Variants in RAI2 observed in about 807,000 individuals in gnomAD.
RAI2 encodes the protein retinoic acid induced 2.
A neutral mutation model predicts 15.3 loss-of-function variants in RAI2; 5 were observed. The observed-to-expected ratio is 0.33, with a 90% confidence interval of 0.17 to 0.69. The LOEUF is 0.69. RAI2 is among the 30% of genes least tolerant of loss of function. The pLI, the probability that RAI2 is intolerant of heterozygous loss-of-function variation, is 0.69. For missense variants in RAI2, 424 were observed against 424.7 expected, an observed-to-expected ratio of 1.00 and a Z score of 0.01; for synonymous variants, 191 against 184.0, an observed-to-expected ratio of 1.04 and a Z score of -0.31.
At chrX:17,836,139 T>G (rs1249338779) in intron 1 of RAI2, among the ~76,000 whole-genome samples, 1 of 111,009 alleles carries the variant, frequency 9.0e-6, no homozygotes, top group East Asian at 2.8e-4. Flanking sequence ...CACATCTTTT[T>G]GGAGTTACAT....
At chrX:17,841,908 C>T (rs889467072) in intron 1 of RAI2, among the ~76,000 whole-genome samples, 5 of 112,608 alleles carry the variant, frequency 4.4e-5, no homozygotes, top group South Asian at 7.3e-4. Flanking sequence ...CTTCCTATGG[C>T]TCATTAGATG....
chrX:17,820,161 G>A (rs910456252), intron 1 of RAI2, among the ~76,000 whole-genome samples: 5 of 111,899 alleles, frequency 4.5e-5, no homozygotes, highest in African/African-American at 1.6e-4. Flanking sequence ...TACAAAGGAG[G>A]CAGCAACATC....
Position 17,806,136 on chromosome X carries a change from AG to A in RAI2, c.-24-4103del, listed in dbSNP as rs774570084. On this transcript the variant is annotated intron_variant, in intron 1 of 1. Transcript: ENST00000451717. ...ACTATCTCATGAATTGTGGGTTCAA[AG>A]GGTGAGTCTGTGTCCCTGAGGACAA... Among the ~76,000 whole-genome samples the A allele has an allele frequency of 1.7e-4, 19 of 110,882 alleles. 1 individual carries two copies. The Admixed American group carries it at 1.7e-3, about 10-fold the overall frequency.
At chrX:17,814,401 T>TA (rs1209166355) in intron 1 of RAI2, among the ~76,000 whole-genome samples, 1 of 105,152 alleles carries the variant, frequency 9.5e-6, no homozygotes, top group Admixed American at 1.1e-4. Flanking sequence ...ATGTTTGCAG[T>TA]AAGTAGCATT....
chrX:17,844,867 C>T (rs981616326), intron 1 of RAI2, among the ~76,000 whole-genome samples: 1 of 111,776 alleles, frequency 8.9e-6, no homozygotes, highest in African/African-American at 3.3e-5. Context: ...AAGATGTACA[C>T]TTAATAATAT....
intron 1 of RAI2, among the ~76,000 whole-genome samples, chrX:17,830,193 T>C: frequency 8.9e-6 from 1 of 112,603 alleles, no homozygotes. Flanking sequence ...CATCACAAAG[T>C]GGTCCACAAT....
intron 1 of RAI2, among the ~76,000 whole-genome samples, chrX:17,847,703 C>T (rs1168828742): frequency 8.9e-6 from 1 of 112,938 alleles, no homozygotes. Context: ...GAGCACTTGG[C>T]ATAGCCCTCT....
At chrX:17,829,447 C>T (rs1303444838) in intron 1 of RAI2, among the ~76,000 whole-genome samples, 1 of 110,554 alleles carries the variant, frequency 9.0e-6, no homozygotes, top group Non-Finnish European at 1.9e-5. Flanking sequence ...CCTCATGCAT[C>T]TAATGGGGTC....
chrX:17,801,701 G>C lies in RAI2; in HGVS notation c.310C>G (p.Leu104Val). 1 of 1,211,936 alleles carries C rather than the reference G, an allele frequency of 8.3e-7. No individual in the cohort carries two copies. The highest frequency in any genetic ancestry group is 1.8e-5 in the South Asian group (1 of 56,985). Residue 104 changes from leucine (L) to valine (V), a missense_variant, in exon 2 of 2, where the codon CTC becomes GTC. Physicochemically the swap from Leu to Val is conservative, Grantham distance 32. Transcript: ENST00000451717. ...MQVEGSSAPE[L>V]NPNGNATYVM... Reference sequence around the variant, plus strand: ...TAGGTGGCATTGCCATTCGGATTGAGCTCTGGTGCGGAGCTTCCCTCCACC... The same window carrying C: ...TAGGTGGCATTGCCATTCGGATTGACCTCTGGTGCGGAGCTTCCCTCCACC...
intron 1 of RAI2, among the ~76,000 whole-genome samples, chrX:17,838,789 TCACA>T (rs1218326117): frequency 9.1e-6 from 1 of 110,085 alleles, no homozygotes; most frequent in Non-Finnish European, 1.9e-5. Context: ...GCAACACACC[TCACA>T]CAGTCACACA....
chrX:17,855,787 T>G (rs1311177887), intron 1 of RAI2, among the ~76,000 whole-genome samples: 1 of 112,574 alleles, frequency 8.9e-6, no homozygotes, highest in East Asian at 2.8e-4. Context: ...GCCACTAATT[T>G]TAATACTCTA....
chrX:17,858,956 C>T (rs1429862656), intron 1 of RAI2, among the ~76,000 whole-genome samples: 1 of 111,468 alleles, frequency 9.0e-6, no homozygotes, highest in Non-Finnish European at 1.9e-5. Context: ...GCCTGGGCTG[C>T]CCTGGGGATG....
chrX:17,830,956 C>T (rs1342699613), intron 1 of RAI2, among the ~76,000 whole-genome samples: 1 of 112,037 alleles, frequency 8.9e-6, no homozygotes, highest in Non-Finnish European at 1.9e-5. Flanking sequence ...TGTATCTGTG[C>T]TATTTCTAAC....
intron 1 of RAI2, among the ~76,000 whole-genome samples, chrX:17,811,105 G>A (rs758309811): frequency 8.9e-6 from 1 of 112,621 alleles, no homozygotes; most frequent in Admixed American, 9.4e-5. Flanking sequence ...TTCATGCAAG[G>A]ATCTCTCTAA....
intron 1 of RAI2, among the ~76,000 whole-genome samples, chrX:17,824,483 C>T (rs566726551): frequency 4.5e-5 from 5 of 112,019 alleles, no homozygotes; most frequent in Middle Eastern, 4.6e-3. Context: ...AATTCAGTGG[C>T]CTAAGCATGA....
rs1206581255 is a variant in RAI2 at position 17,825,647 on chromosome X, G to C, written c.-24-23613C>G. Among the ~76,000 whole-genome samples, 14 of 112,455 alleles carry C rather than the reference G, an allele frequency of 1.2e-4. No individual in the cohort carries two copies. The Admixed American group carries it at 1.3e-3, about 11-fold the overall frequency. On this transcript the variant is annotated intron_variant, in intron 1 of 1. Transcript: ENST00000451717. ...GTCCCACACTGGGAAATCATCAAGGGGGTTGATGGTGGGCAGGTAGTGATG... is the reference window on the plus strand; with the variant it reads ...GTCCCACACTGGGAAATCATCAAGGCGGTTGATGGTGGGCAGGTAGTGATG...
chrX:17,834,068 T>C (rs1379681022), intron 1 of RAI2, among the ~76,000 whole-genome samples: 1 of 111,636 alleles, frequency 9.0e-6, no homozygotes, highest in Non-Finnish European at 1.9e-5. Flanking sequence ...GATTTCTGCA[T>C]TTAGGGCTTA....
chrX:17,822,594 G>A (rs1032198379), intron 1 of RAI2, among the ~76,000 whole-genome samples: 1 of 111,889 alleles, frequency 8.9e-6, no homozygotes, highest in Non-Finnish European at 1.9e-5. Context: ...ACTGACTTCC[G>A]AGAGCCTCTG....
At chrX:17,806,554 C>T (rs112605243) in intron 1 of RAI2, among the ~76,000 whole-genome samples, 1 of 110,250 alleles carries the variant, frequency 9.1e-6, no homozygotes, top group Admixed American at 9.7e-5. Context: ...TAGGGCCTCA[C>T]CCCCATGTAG....
Sources: allele counts gnomAD v4.1 joint callset (sites outside exome capture counted in the v4.1 genomes callset), GRCh38; gene constraint gnomAD v4.1.1; transcripts MANE v1.5; gene names NCBI Gene and HGNC (gene_info 2026-07-23, HGNC 2026-07-21).